The following EBF1 variants were observed in gnomAD, a reference collection of about 807,000 sequenced individuals.
EBF1 encodes the protein transcription factor COE1.
Under a neutral mutation model 68.4 loss-of-function variants are expected in EBF1, and 10 were observed. The observed-to-expected ratio is 0.15, with a 90% CI of 0.09 to 0.25. The LOEUF is 0.25. EBF1 is among the 10% of genes least tolerant of loss of function. The pLI is 1.00. For synonymous variants in EBF1, 298 were observed against 299.8 expected, an observed-to-expected ratio of 0.99 and a Z score of 0.06; for missense variants, 509 against 794.4, an observed-to-expected ratio of 0.64 and a Z score of 4.32.
intron 6 of EBF1, among the ~76,000 whole-genome samples, chr5:158,984,964 T>C (rs1758731838): frequency 6.6e-6 from 1 of 152,166 alleles, no homozygotes; most frequent in Non-Finnish European, 1.5e-5. Context: ...ACTACAGGCA[T>C]GAGCCACCAA....
intron 6 of EBF1, among the ~76,000 whole-genome samples, chr5:159,039,663 A>C (rs572821984): frequency 7.9e-5 from 12 of 152,364 alleles, no homozygotes; most frequent in Middle Eastern, 3.4e-3. Flanking sequence ...AAAATTATTT[A>C]AATATTAAAA....
intron 10 of EBF1, among the ~76,000 whole-genome samples, chr5:158,752,617 G>A (rs1036239563): frequency 1.1e-3 from 163 of 152,224 alleles, no homozygotes; most frequent in East Asian, 9.7e-4. Flanking sequence ...CTGAGTGAGG[G>A]AGGAAAACAA....
chr5:159,071,053 C>T (rs76658321), intron 6 of EBF1, among the ~76,000 whole-genome samples: 8,881 of 152,254 alleles, frequency 0.058, 284 homozygotes, highest in East Asian at 0.1. Context: ...ATTCTCTTCT[C>T]TCGCTGTTAA....
intron 10 of EBF1, among the ~76,000 whole-genome samples, chr5:158,756,793 A>G (rs528959973): frequency 6.6e-6 from 1 of 151,982 alleles, no homozygotes; most frequent in African/African-American, 2.4e-5. Flanking sequence ...CAAGCAGAAC[A>G]GTGTGAAATT....
intron 9 of EBF1, 76 bp downstream of exon 9, chr5:158,796,269 C>T: frequency 6.9e-7 from 1 of 1,447,084 alleles, no homozygotes; most frequent in Non-Finnish European, 9.2e-7. Flanking sequence ...TCTACACATT[C>T]TATTAGAAAT....
chr5:158,731,001 G>T, intron 11 of EBF1, 68 bp downstream of exon 11: 1 of 1,436,628 alleles, frequency 7.0e-7, no homozygotes, highest in Non-Finnish European at 9.7e-7. Context: ...ATTTTTATCA[G>T]CAGCAGAGTT....
At chr5:158,733,019 T>A (rs1764431776) in intron 10 of EBF1, among the ~76,000 whole-genome samples, 1 of 152,230 alleles carries the variant, frequency 6.6e-6, no homozygotes, top group Non-Finnish European at 1.5e-5. Flanking sequence ...TATGAATTAC[T>A]TTCTAAACCC....
At chr5:158,850,556 A>G (rs1190790714) in intron 6 of EBF1, among the ~76,000 whole-genome samples, 1 of 152,230 alleles carries the variant, frequency 6.6e-6, no homozygotes, top group Non-Finnish European at 1.5e-5. Context: ...GGGGCATTTG[A>G]AGAATTTTGA....
intron 9 of EBF1, among the ~76,000 whole-genome samples, chr5:158,777,846 A>C (rs948581477): frequency 7.2e-5 from 11 of 152,302 alleles, no homozygotes; most frequent in Admixed American, 5.2e-4. Context: ...TCTCTGAAGC[A>C]GACACCCAAA....
intron 6 of EBF1, among the ~76,000 whole-genome samples, chr5:159,051,569 A>C (rs1364615661): frequency 1.3e-5 from 2 of 151,566 alleles, no homozygotes; most frequent in Non-Finnish European, 2.9e-5. Flanking sequence ...GTCGCTAACA[A>C]CAACACAAAC....
At chr5:158,765,192 A>G (rs1296078434) in intron 10 of EBF1, among the ~76,000 whole-genome samples, 3 of 152,116 alleles carry the variant, frequency 2.0e-5, no homozygotes, top group Non-Finnish European at 4.4e-5. Context: ...TAACCCTCCT[A>G]TGTCTTCTGA....
chr5:158,863,929 G>T (rs555463691), intron 6 of EBF1, among the ~76,000 whole-genome samples: 2 of 152,036 alleles, frequency 1.3e-5, no homozygotes, highest in East Asian at 1.9e-4. Flanking sequence ...TACTGAGGGG[G>T]TAAATAGAAT....
At chr5:158,870,632 C>T (rs1796709285) in intron 6 of EBF1, among the ~76,000 whole-genome samples, 1 of 152,026 alleles carries the variant, frequency 6.6e-6, no homozygotes, top group Non-Finnish European at 1.5e-5. Flanking sequence ...GCCATGATTG[C>T]ACCACTGTAC....
intron 6 of EBF1, among the ~76,000 whole-genome samples, chr5:158,852,750 G>T (rs78080706): frequency 6.6e-6 from 1 of 152,306 alleles, no homozygotes; most frequent in East Asian, 1.9e-4. Flanking sequence ...GATATCATAA[G>T]GATGCTGATG....
rs141566591 is a variant in EBF1, at chr5:158,894,361, T to C, written c.555-54251A>G. Among the ~76,000 whole-genome samples the C allele has an allele frequency of 2.0e-3, 309 of 151,816 alleles. 2 individuals are homozygous for C. The highest frequency in any genetic ancestry group is 7.2e-3 in the African/African-American group (298 of 41,464). On this transcript the variant is annotated intron_variant, in intron 6 of 15. Transcript: ENST00000313708. The stretch of plus-strand genomic sequence containing the variant: ...TTCTTTGGTTCTTAAAAATCCTCTC[T>C]ATGCACAAACATGAGAAAATAAAAA...
chr5:159,056,787 A>G (rs969779302), intron 6 of EBF1, among the ~76,000 whole-genome samples: 5 of 152,206 alleles, frequency 3.3e-5, no homozygotes, highest in African/African-American at 9.7e-5. Context: ...AAAATTGCCA[A>G]CGTCAATATT....
intron 10 of EBF1, among the ~76,000 whole-genome samples, chr5:158,769,520 T>C (rs1773463420): frequency 6.6e-6 from 1 of 152,194 alleles, no homozygotes. Context: ...AATAATATGC[T>C]TCCTTCAGAT....
At chr5:158,974,552 TACAC>T (rs1172728137) in intron 6 of EBF1, among the ~76,000 whole-genome samples, 1 of 152,216 alleles carries the variant, frequency 6.6e-6, no homozygotes, top group Admixed American at 6.5e-5. Context: ...ATTTCTTGAA[TACAC>T]ACACACATTA....
intron 10 of EBF1, among the ~76,000 whole-genome samples, chr5:158,743,866 C>T (rs1033220485): frequency 6.6e-6 from 1 of 151,936 alleles, no homozygotes; most frequent in Non-Finnish European, 1.5e-5. Flanking sequence ...AGTAGACAGT[C>T]GAGAATAAAG....
Sources: gnomAD v4.1 joint callset for allele counts (sites outside exome capture counted in the v4.1 genomes callset) on GRCh38, gnomAD v4.1.1 for gene constraint, MANE v1.5 for transcripts, NCBI Gene and HGNC (gene_info 2026-07-23, HGNC 2026-07-21) for gene names.